Variants in NLRC5 observed in about 807,000 individuals in gnomAD.
NLRC5 encodes protein NLRC5.
In NLRC5, 114 loss-of-function variants were observed where a neutral mutation model predicts 206.9. The ratio of observed to expected loss-of-function variants is 0.55; its 90% confidence interval spans 0.47 to 0.64. The LOEUF (loss-of-function observed/expected upper bound fraction) is 0.64, where lower values mean the gene tolerates loss of function less well. Among genes scored for constraint, NLRC5 ranks in the 30% least tolerant of loss-of-function variants. NLRC5 has a pLI of 0.00. For missense variants in NLRC5, 2,008 were observed against 2,305.5 expected (o/e 0.87, Z 2.64); for synonymous variants, 952 against 962.8 (o/e 0.99, Z 0.21).
At chr16:57,018,368 T>G (rs1325484969) in intron 2 of NLRC5, among the ~76,000 whole-genome samples, 3 of 152,234 alleles carry the variant, frequency 2.0e-5, no homozygotes, top group Admixed American at 6.5e-5. Context: ...TGTCATGGAC[T>G]TGCTGTGTGA....
chr16:57,002,563 T>C (rs909453531), intron 1 of NLRC5, among the ~76,000 whole-genome samples: 3 of 152,140 alleles, frequency 2.0e-5, no homozygotes, highest in Admixed American at 6.5e-5. Flanking sequence ...TTTGAGACAC[T>C]GATTCCTTTC....
chr16:57,075,839 T>A (rs2145045816), intron 39 of NLRC5: 1 of 152,554 alleles, frequency 6.6e-6, no homozygotes, highest in Non-Finnish European at 1.5e-5. Context: ...TCCAGGAGGT[T>A]ATATCATATT....
At chr16:57,047,472 A>T in intron 22 of NLRC5, 73 bp from the exon 23 acceptor site, 16 of 1,312,172 alleles carry the variant, frequency 1.2e-5, no homozygotes, top group Non-Finnish European at 1.6e-5. Flanking sequence ...TGGGAGAAGG[A>T]TAGAGCCCCT....
chr16:57,001,086 G>A (rs1056257951), intron 1 of NLRC5, among the ~76,000 whole-genome samples: 10 of 152,254 alleles, frequency 6.6e-5, no homozygotes, highest in East Asian at 3.9e-4. Context: ...AGCCATTCCC[G>A]GGGGGAAGGC....
Position 57,026,799 on chromosome 16 carries a change from T to A in NLRC5, c.1856T>A (p.Val619Glu). 6.2e-7 allele frequency: 1 copy of A among 1,614,036 alleles called. No individual in the cohort carries two copies. The highest frequency in any genetic ancestry group is 8.5e-7 in the Non-Finnish European group (1 of 1,179,968). ...AAGGTTGTAGAGCTGTGTCACTGTG[T>A]GGATGAGACACAGGAGCCTGAGCTG... ...GPKVVELCHC[V>E]DETQEPELAS... is the part of the protein sequence containing the mutation. Residue 619 changes from valine to glutamate, a missense_variant, in exon 6 of 49, where the codon GTG becomes GAG. Physicochemically the swap from Val to Glu is moderately radical, Grantham distance 121. Coordinates refer to ENST00000688547, the MANE Select transcript of NLRC5 (RefSeq NM_001384950.1).
rs765082342 is a variant in NLRC5, at chr16:57,030,438, A to AGATGGATGGATGGGTGGTTGAAAAGATG, written c.2417+367_2417+368insGTGGTTGAAAAGATGGATGGATGGATGG. On this transcript the variant is annotated intron_variant, in intron 10 of 48. Transcript: ENST00000688547. Reference sequence around the variant, plus strand: ...TGAAAAGATGGATGGGTGGATGAAAAGATGGATGGATGGATGGATGGATGG... The same window carrying AGATGGATGGATGGGTGGTTGAAAAGATG: ...TGAAAAGATGGATGGGTGGATGAAAAGATGGATGGATGGGTGGTTGAAAAGATGGATGGATGGATGGATGGATGGATGG... 4.5e-5 allele frequency among the ~76,000 whole-genome samples: 4 copies of AGATGGATGGATGGGTGGTTGAAAAGATG among 89,542 alleles called. 1 individual carries two copies. The highest frequency in any genetic ancestry group is 1.1e-4 in the Admixed American group (1 of 9,494). 58.7% of individuals were successfully genotyped at this position (89,542 alleles called of 152,430 possible).
intron 32 of NLRC5, chr16:57,062,749 A>C (rs1252603633): frequency 1.3e-5 from 2 of 152,376 alleles, no homozygotes; most frequent in African/African-American, 2.4e-5. Context: ...AACCTGTAAA[A>C]ATTATTATAA....
At position 57,033,526 on chromosome 16, in the gene NLRC5, A is replaced by G. The variant is rs1350112936; in HGVS notation, c.2478-78A>G. On this transcript the variant is annotated intron_variant, in intron 11 of 48. Transcript: ENST00000688547. Reference sequence around the variant, plus strand: ...TTGTGCTTCAGGGTCTTCAGCCTCTAGAAGCCAAGGAAAGAGGCTTGATCC... The same window carrying G: ...TTGTGCTTCAGGGTCTTCAGCCTCTGGAAGCCAAGGAAAGAGGCTTGATCC... 2.5e-5 allele frequency: 35 copies of G among 1,425,286 alleles called. 1 individual carries two copies. Among genetic ancestry groups the G allele is most frequent in the Middle Eastern group, 4.5e-4 (2 of 4,424 alleles). 88.3% of individuals were successfully genotyped at this position (1,425,286 alleles called of 1,614,324 possible).
At chr16:57,056,902 G>A (rs1355703140) in intron 27 of NLRC5, among the ~76,000 whole-genome samples, 1 of 151,892 alleles carries the variant, frequency 6.6e-6, no homozygotes, top group African/African-American at 2.4e-5. Context: ...CAGGCGATCC[G>A]CCTGCCTCGC....
Position 57,079,260 on chromosome 16 carries a change from C to G in NLRC5, c.5205C>G (p.Phe1735Leu). 1 of 1,613,608 alleles carries G rather than the reference C, an allele frequency of 6.2e-7. No individual in the cohort carries two copies. The highest frequency in any genetic ancestry group is 8.5e-7 in the Non-Finnish European group (1 of 1,180,018). ...ENNLAGGVLR[F>L]CMELPLLRQI... Reference sequence around the variant, plus strand: ...ACCTGGCTGGAGGGGTCCTGCGTTTCTGTATGGAGCTCCCGCTGCTCAGAC... The same window carrying G: ...ACCTGGCTGGAGGGGTCCTGCGTTTGTGTATGGAGCTCCCGCTGCTCAGAC... The change falls in exon 45 of 49, where the codon TTC becomes TTG. Residue 1735 changes from phenylalanine (F) to leucine (L), a missense_variant. Physicochemically the swap from Phe to Leu is conservative, Grantham distance 22. Coordinates refer to ENST00000688547, the MANE Select transcript of NLRC5 (RefSeq NM_001384950.1).
intron 42 of NLRC5, 40 bp downstream of exon 42, chr16:57,077,842 C>G: frequency 6.3e-7 from 1 of 1,589,326 alleles, no homozygotes; most frequent in Non-Finnish European, 8.6e-7. Flanking sequence ...TCTGTGCCCC[C>G]CAGGTCCACC....
chr16:57,026,576 T>G lies in NLRC5; in HGVS notation c.1633T>G (p.Ser545Ala). ...ACTTACCCAGTATGTTACCCTCCATTCCCGCTGGGTACAGCGGACCAAAGC... is the reference window on the plus strand; with the variant it reads ...ACTTACCCAGTATGTTACCCTCCATGCCCGCTGGGTACAGCGGACCAAAGC... ...DTLTQYVTLH[S>A]RWVQRTKARL... is the part of the protein sequence containing the mutation. The change falls in exon 6 of 49, where the codon TCC becomes GCC. Residue 545 changes from serine (S) to alanine (A), a missense_variant. Coordinates refer to ENST00000688547, the MANE Select transcript of NLRC5 (RefSeq NM_001384950.1). The G allele has an allele frequency of 6.2e-7, 1 of 1,614,064 alleles. No homozygotes were observed. Among genetic ancestry groups the G allele is most frequent in the Non-Finnish European group, 8.5e-7 (1 of 1,179,978 alleles).
chr16:57,056,727 C>T lies in NLRC5; in HGVS notation c.3746+1208C>T, dbSNP rs544649490. On this transcript the variant is annotated intron_variant, in intron 27 of 48. Transcript: ENST00000688547. ...AGGCTGGAATGCAGTGGCGCAATTT[C>T]GGCTCACTGCAACTTCCGCCTCCCA... Among the ~76,000 whole-genome samples, 22 of 151,880 alleles carry T rather than the reference C, an allele frequency of 1.4e-4. No individual in the cohort carries two copies. The South Asian group carries it at 3.7e-3, about 26-fold the overall frequency.
intron 1 of NLRC5, among the ~76,000 whole-genome samples, 151 bp from the exon 2 acceptor site, chr16:57,016,923 G>A (rs1332234626): frequency 1.3e-5 from 2 of 152,192 alleles, no homozygotes; most frequent in Non-Finnish European, 2.9e-5. Flanking sequence ...GAAGAACAAG[G>A]TCTAGCGGAT....
At chr16:57,040,047 T>C (rs1482969767) in intron 16 of NLRC5, among the ~76,000 whole-genome samples, 198 bp downstream of exon 16, 1 of 152,212 alleles carries the variant, frequency 6.6e-6, no homozygotes, top group African/African-American at 2.4e-5. Flanking sequence ...CCGCCTCTCA[T>C]GGTGCCTGAA....
chr16:57,044,424 G>A (rs1254105833), intron 20 of NLRC5, among the ~76,000 whole-genome samples: 1 of 152,180 alleles, frequency 6.6e-6, no homozygotes, highest in Non-Finnish European at 1.5e-5. Flanking sequence ...AGCCAGCCAA[G>A]CCACCCCAGG....
At chr16:56,993,980 A>G (rs1193070043) in intron 1 of NLRC5, among the ~76,000 whole-genome samples, 1 of 151,066 alleles carries the variant, frequency 6.6e-6, no homozygotes. Flanking sequence ...AAAAAAAAAA[A>G]GCAAGATATG....
chr16:57,061,427 G>C lies in NLRC5; in HGVS notation c.3987-21G>C, dbSNP rs772554855. On this transcript the variant is annotated intron_variant, in intron 30 of 48. Transcript: ENST00000688547. ...TGCCCACAGGCCTCACCCAGGCTCT[G>C]CCCTGGCTTTCTGCCCTCAGGCTAA... 8.1e-6 allele frequency: 13 copies of C among 1,607,638 alleles called. No homozygotes were observed. The South Asian group carries it at 1.2e-4, about 15-fold the overall frequency.
intron 1 of NLRC5, among the ~76,000 whole-genome samples, chr16:56,993,713 C>T (rs1244219412): frequency 2.6e-5 from 4 of 152,134 alleles, no homozygotes; most frequent in African/African-American, 9.7e-5. Flanking sequence ...ACCTGTAGCT[C>T]ATTTTCCATA....
Sources: allele counts gnomAD v4.1 joint callset (sites outside exome capture counted in the v4.1 genomes callset), GRCh38; gene constraint gnomAD v4.1.1; transcripts MANE v1.5; gene names NCBI Gene and HGNC (gene_info 2026-07-23, HGNC 2026-07-21).